The following GPR55 variants were observed in gnomAD, a reference collection of about 807,000 sequenced individuals.
GPR55 encodes the protein G-protein coupled receptor 55.
GPR55 carries 6 observed loss-of-function variants against 7.9 expected under a neutral mutation model. The ratio of observed to expected loss-of-function variants is 0.76; its 90% CI spans 0.41 to 1.49. The LOEUF (loss-of-function observed/expected upper bound fraction) is 1.49. GPR55 is among the 40% of genes most tolerant of loss of function. The pLI is 0.01. For synonymous variants in GPR55, 183 were observed against 166.8 expected (o/e 1.10, Z -0.75); for missense variants, 376 against 406.0 (o/e 0.93, Z 0.63).
intron 1 of GPR55, among the ~76,000 whole-genome samples, chr2:230,917,493 TAC>T (rs1690743676): frequency 6.6e-6 from 1 of 152,128 alleles, no homozygotes; most frequent in Non-Finnish European, 1.5e-5. Context: ...TCTGACCTCA[TAC>T]ACAAAGACCT....
chr2:230,931,257 C>G (rs538563911), intron 1 of GPR55, among the ~76,000 whole-genome samples: 3 of 152,246 alleles, frequency 2.0e-5, no homozygotes, highest in Admixed American at 6.5e-5. Flanking sequence ...CTCCCTCCAA[C>G]ACTGACCCTG....
Position 230,910,161 on chromosome 2 carries a change from A to G in GPR55, c.802T>C (p.Phe268Leu). 4 of 1,614,054 alleles carry G rather than the reference A, an allele frequency of 2.5e-6. No individual in the cohort carries two copies. The highest frequency in any genetic ancestry group is 3.4e-6 in the Non-Finnish European group (4 of 1,179,902). ...AAACACATGGACAATTGCAAGAAGA[A>G]GCTGATGCTCTGCTTGGCTCTGCAC... The part of the protein sequence containing the change: ...VECRAKQSIS[F>L]FLQLSMCFSN... Residue 268 changes from phenylalanine to leucine, a missense_variant, in exon 2 of 2, where the codon TTC becomes CTC. Coordinates refer to ENST00000650999, the MANE Select transcript of GPR55 (RefSeq NM_005683.4). The surrounding 1 kb of genome is among the most constrained non-coding windows in gnomAD (Gnocchi z 5.4).
intron 1 of GPR55, among the ~76,000 whole-genome samples, chr2:230,956,886 C>T (rs2125072143): frequency 6.6e-6 from 1 of 152,084 alleles, no homozygotes; most frequent in South Asian, 2.1e-4. Flanking sequence ...TCTCTATTTG[C>T]CTAATTACTG....
chr2:230,933,201 C>CT, intron 1 of GPR55, among the ~76,000 whole-genome samples: 2 of 68,270 alleles, frequency 2.9e-5, no homozygotes, highest in Non-Finnish European at 6.1e-5. Flanking sequence ...CCCTTCCCTC[C>CT]GCCCTCTCTG....
chr2:230,952,630 C>T (rs886841397), intron 1 of GPR55, among the ~76,000 whole-genome samples: 4 of 152,224 alleles, frequency 2.6e-5, no homozygotes, highest in Non-Finnish European at 5.9e-5. Context: ...GTGTCATGGG[C>T]GTTTCTGAAG....
chr2:230,924,746 C>G lies in GPR55; in HGVS notation c.-135+422G>C, dbSNP rs1011311070. 2 of 152,050 alleles carry G rather than the reference C, an allele frequency of 1.3e-5. No homozygotes were observed. Among genetic ancestry groups the G allele is most frequent in the African/African-American group, 4.8e-5 (2 of 41,400 alleles). 9.4% of individuals were successfully genotyped at this position (152,050 alleles called of 1,614,324 possible). A position where few individuals can be genotyped will look rare whatever the true frequency, so the allele number is the denominator to read the frequency against. ...GATGATCCCTGAGAGTGTGTCATCTCGGGCGCTTGGTGGTTTCCCAACAAG... is the reference window on the plus strand; with the variant it reads ...GATGATCCCTGAGAGTGTGTCATCTGGGGCGCTTGGTGGTTTCCCAACAAG... On this transcript the variant is annotated intron_variant, in intron 1 of 1. Coordinates refer to ENST00000650999, the MANE Select transcript of GPR55 (RefSeq NM_005683.4). This position sits in a 1 kb window ranked among gnomAD's most constrained non-coding sequence, Gnocchi z 4.5.
In GPR55 at chr2:230,909,949, C is replaced by T. The variant is rs1215149568; in HGVS notation, c.*54G>A. On this transcript the variant is annotated 3_prime_UTR_variant, in exon 2 of 2. Coordinates refer to ENST00000650999, the MANE Select transcript of GPR55 (RefSeq NM_005683.4). ...CATCAAAACCCTGGAACGCGATATC[C>T]GTTACCAGAATTCAGGGCCAGGGCT... 12 of 1,541,932 alleles carry T rather than the reference C, an allele frequency of 7.8e-6. No homozygotes were observed. Among genetic ancestry groups the T allele is most frequent in the African/African-American group, 5.5e-5 (4 of 72,742 alleles).
intron 1 of GPR55, among the ~76,000 whole-genome samples, chr2:230,915,383 C>A (rs139230744): frequency 6.6e-6 from 1 of 152,312 alleles, no homozygotes; most frequent in Non-Finnish European, 1.5e-5. Context: ...TTCTACCATC[C>A]GCAGCAGGGA....
intron 1 of GPR55, among the ~76,000 whole-genome samples, chr2:230,940,973 C>T (rs1233443804): frequency 2.0e-5 from 3 of 152,192 alleles, no homozygotes; most frequent in South Asian, 2.1e-4. Flanking sequence ...AAAAATTAGC[C>T]GGACGTGGCG....
At chr2:230,926,395 C>T (rs925329097), upstream of GPR55, among the ~76,000 whole-genome samples, 13 of 152,228 alleles carry the variant, frequency 8.5e-5, no homozygotes, top group African/African-American at 2.4e-4. Context: ...GCAGTCCTGC[C>T]CCCAGCGAGG....
In GPR55 at chr2:230,923,401, G is replaced by T. The variant is rs778637608; in HGVS notation, c.-135+1767C>A. 2.4e-4 allele frequency among the ~76,000 whole-genome samples: 37 copies of T among 152,200 alleles called. No individual in the cohort carries two copies. The highest frequency in any genetic ancestry group is 5.4e-4 in the Non-Finnish European group (37 of 68,028). On this transcript the variant is annotated intron_variant, in intron 1 of 1. Coordinates refer to ENST00000650999, the MANE Select transcript of GPR55 (RefSeq NM_005683.4). The surrounding 1 kb of genome is among the most constrained non-coding windows in gnomAD (Gnocchi z 4.1). The stretch of plus-strand genomic sequence containing the variant: ...ACAGCCGCAGGGATGGATTTGAGGA[G>T]CCCTGGAATACTCCCCCAAAAATGC...
chr2:230,915,270 G>A lies in GPR55; in HGVS notation c.-134-4174C>T, dbSNP rs146178304. The stretch of plus-strand genomic sequence containing the variant: ...GCAGCACCCCTGCATAGCTGCCAAG[G>A]AGCCATCCCAGTGCTGCCATTGATG... On this transcript the variant is annotated intron_variant, in intron 1 of 1. Coordinates refer to ENST00000650999, the MANE Select transcript of GPR55 (RefSeq NM_005683.4). Among the ~76,000 whole-genome samples, 26 of 152,216 alleles carry A rather than the reference G, an allele frequency of 1.7e-4. 1 individual carries two copies. The highest frequency in any genetic ancestry group is 4.8e-4 in the African/African-American group (20 of 41,458).
chr2:230,914,023 C>A (rs1690655062), intron 1 of GPR55, among the ~76,000 whole-genome samples: 5 of 152,214 alleles, frequency 3.3e-5, no homozygotes, highest in Admixed American at 3.3e-4. Context: ...GACAAAAGCT[C>A]AACACTCAGA....
In GPR55 at chr2:230,924,967, G is replaced by A. The variant is rs567341899; in HGVS notation, c.-135+201C>T. On this transcript the variant is annotated intron_variant, in intron 1 of 1. Transcript: ENST00000650999. The surrounding 1 kb of genome is among the most constrained non-coding windows in gnomAD (Gnocchi z 4.5). Reference sequence around the variant, plus strand: ...CGGGGACAAACCAGGTCTGCCTGCCGCTGCTGCTGTCACGGAGGCTGCCTG... The same window carrying A: ...CGGGGACAAACCAGGTCTGCCTGCCACTGCTGCTGTCACGGAGGCTGCCTG... Among the ~76,000 whole-genome samples, 5 of 152,282 alleles carry A rather than the reference G, an allele frequency of 3.3e-5. No homozygotes were observed. The East Asian group carries it at 5.8e-4, about 18-fold the overall frequency.
At chr2:230,957,698 T>C (rs1253012228) in intron 1 of GPR55, 3 of 548,054 alleles carry the variant, frequency 5.5e-6, no homozygotes, top group African/African-American at 1.9e-5. Flanking sequence ...TTCAATATTG[T>C]ATGGTTCATT....
At chr2:230,941,239 G>T (rs1206374005) in intron 1 of GPR55, among the ~76,000 whole-genome samples, 2 of 152,208 alleles carry the variant, frequency 1.3e-5, no homozygotes, top group African/African-American at 4.8e-5. Flanking sequence ...TCCCAGGGAG[G>T]CTGCAGGAGT....
chr2:230,919,964 C>A, intron 1 of GPR55, among the ~76,000 whole-genome samples: 1 of 147,254 alleles, frequency 6.8e-6, no homozygotes, highest in African/African-American at 2.5e-5. Context: ...ATTAAAATTA[C>A]AAAAACCCAC....
chr2:230,957,220 T>G (rs1691495248), intron 1 of GPR55, among the ~76,000 whole-genome samples: 1 of 152,252 alleles, frequency 6.6e-6, no homozygotes, highest in Non-Finnish European at 1.5e-5. Context: ...TCTTGAGAAC[T>G]TTTGCCTTTT....
At chr2:230,950,721 T>C (rs923508662) in intron 1 of GPR55, among the ~76,000 whole-genome samples, 1 of 152,160 alleles carries the variant, frequency 6.6e-6, no homozygotes, top group Non-Finnish European at 1.5e-5. Context: ...TCTCGTGTTA[T>C]GACAGTGGCT....
Sources: gnomAD v4.1 joint callset for allele counts (sites outside exome capture counted in the v4.1 genomes callset) on GRCh38, gnomAD v4.1.1 for gene constraint, Gnocchi (gnomAD v3.1) non-coding constraint, MANE v1.5 for transcripts, NCBI Gene and HGNC (gene_info 2026-07-23, HGNC 2026-07-21) for gene names.